Variants in SYNDIG1 observed in about 807,000 individuals in gnomAD.
SYNDIG1 encodes the protein synapse differentiation-inducing gene protein 1.
In SYNDIG1, 9 loss-of-function variants were observed where a neutral mutation model predicts 19.4. The ratio of observed to expected loss-of-function variants is 0.46; its 90% CI spans 0.28 to 0.81. The LOEUF (loss-of-function observed/expected upper bound fraction) is 0.81. Ranked by LOEUF, SYNDIG1 falls within the 30% of genes least tolerant of loss-of-function variation. The pLI is 0.12. For missense variants in SYNDIG1, 311 were observed against 343.3 expected, an observed-to-expected ratio of 0.91 and a Z score of 0.74; for synonymous variants, 141 against 145.9, an observed-to-expected ratio of 0.97 and a Z score of 0.24.
intron 1 of SYNDIG1, among the ~76,000 whole-genome samples, chr20:24,492,448 C>A (rs1436420996): frequency 1.3e-5 from 2 of 152,144 alleles, no homozygotes; most frequent in Non-Finnish European, 2.9e-5. Context: ...TGGTAAACAT[C>A]CAAGTTTCAA....
At chr20:24,475,863 C>A (rs1470422165) in intron 1 of SYNDIG1, among the ~76,000 whole-genome samples, 1 of 144,450 alleles carries the variant, frequency 6.9e-6, no homozygotes, top group African/African-American at 2.5e-5. Flanking sequence ...TGCATAGTAT[C>A]TTTTTTTTTT....
At chr20:24,521,879 G>T (rs2057012133) in intron 1 of SYNDIG1, among the ~76,000 whole-genome samples, 1 of 121,518 alleles carries the variant, frequency 8.2e-6, no homozygotes, top group East Asian at 2.4e-4. Flanking sequence ...CAGCATGGGT[G>T]AAAAAGAAAG....
chr20:24,500,046 A>G (rs1053733608), intron 1 of SYNDIG1, among the ~76,000 whole-genome samples: 3 of 152,034 alleles, frequency 2.0e-5, no homozygotes, highest in Non-Finnish European at 2.9e-5. Flanking sequence ...AGGAAAGGGA[A>G]CCCAAAAAAG....
chr20:24,556,373 G>A (rs148902838), intron 2 of SYNDIG1, among the ~76,000 whole-genome samples: 1,980 of 152,246 alleles, frequency 0.013, 16 homozygotes, highest in Admixed American at 0.016. Flanking sequence ...TATTTTGCTC[G>A]TTAGTTGATG....
At chr20:24,661,551 G>A (rs868500960) in intron 3 of SYNDIG1, among the ~76,000 whole-genome samples, 538 of 120,292 alleles carry the variant, frequency 4.5e-3, no homozygotes, top group Middle Eastern at 0.018. Context: ...GAGGGAGGGA[G>A]GAAAAAAGAG....
chr20:24,607,322 C>T (rs1450832035), intron 3 of SYNDIG1, among the ~76,000 whole-genome samples: 3 of 147,132 alleles, frequency 2.0e-5, no homozygotes, highest in African/African-American at 7.5e-5. Context: ...GATCACACCA[C>T]TGCACTGCAG....
Position 24,498,052 on chromosome 20 carries a change from T to G in SYNDIG1, c.-79+28299T>G, listed in dbSNP as rs73901846. 8.5e-3 allele frequency among the ~76,000 whole-genome samples: 1,294 copies of G among 152,320 alleles called. 20 individuals are homozygous for G. The highest frequency in any genetic ancestry group is 0.03 in the African/African-American group (1,234 of 41,580). On this transcript the variant is annotated intron_variant, in intron 1 of 3. Transcript: ENST00000376862. ...AATAAACACTAGAATCTCACAGCCC[T>G]CATTCCAGGGTGGTTTCCCACATGC...
At chr20:24,633,328 C>G (rs6106918) in intron 3 of SYNDIG1, among the ~76,000 whole-genome samples, 2 of 152,202 alleles carry the variant, frequency 1.3e-5, no homozygotes, top group Non-Finnish European at 2.9e-5. Context: ...GCCTTCCTCC[C>G]TGACACCACC....
intron 3 of SYNDIG1, among the ~76,000 whole-genome samples, chr20:24,612,570 G>A (rs1319902340): frequency 6.6e-6 from 1 of 152,220 alleles, no homozygotes; most frequent in African/African-American, 2.4e-5. Context: ...TTATTTCCCA[G>A]TAACTTAACA....
intron 3 of SYNDIG1, among the ~76,000 whole-genome samples, chr20:24,627,710 G>A (rs1159274839): frequency 6.6e-6 from 1 of 152,256 alleles, no homozygotes; most frequent in Non-Finnish European, 1.5e-5. Context: ...ACAACAAAAT[G>A]CTTTGCTACC....
intron 1 of SYNDIG1, among the ~76,000 whole-genome samples, chr20:24,483,393 G>GA (rs199744116): frequency 3.9e-5 from 6 of 151,904 alleles, no homozygotes; most frequent in Middle Eastern, 3.4e-3. Context: ...TTTTGATTAG[G>GA]AAAAAAAACC....
chr20:24,508,952 C>T (rs2056673873), intron 1 of SYNDIG1, among the ~76,000 whole-genome samples: 1 of 152,140 alleles, frequency 6.6e-6, no homozygotes, highest in African/African-American at 2.4e-5. Flanking sequence ...TCCCACAACC[C>T]AACACATTCA....
chr20:24,487,207 C>G (rs968254963), intron 1 of SYNDIG1, among the ~76,000 whole-genome samples: 1 of 152,170 alleles, frequency 6.6e-6, no homozygotes, highest in Non-Finnish European at 1.5e-5. Context: ...TAAACTTATA[C>G]AACCTGGATT....
chr20:24,600,352 A>AC (rs1180853735), intron 3 of SYNDIG1, among the ~76,000 whole-genome samples: 1 of 152,118 alleles, frequency 6.6e-6, no homozygotes, highest in African/African-American at 2.4e-5. Flanking sequence ...CAGAATAGAA[A>AC]CCTAAATGCA....
At chr20:24,477,805 G>A (rs1436726050) in intron 1 of SYNDIG1, among the ~76,000 whole-genome samples, 1 of 152,224 alleles carries the variant, frequency 6.6e-6, no homozygotes, top group Non-Finnish European at 1.5e-5. Flanking sequence ...GGGAGACTGA[G>A]GCTGGGGTGC....
chr20:24,641,287 TGATG>T (rs755342728), intron 3 of SYNDIG1, among the ~76,000 whole-genome samples: 8 of 137,824 alleles, frequency 5.8e-5, no homozygotes, highest in South Asian at 4.4e-4. Flanking sequence ...ATGGATGGAT[TGATG>T]GATGGATGGA....
chr20:24,503,999 G>A (rs148551932), intron 1 of SYNDIG1, among the ~76,000 whole-genome samples: 59 of 129,946 alleles, frequency 4.5e-4, no homozygotes, highest in African/African-American at 1.7e-3. Context: ...TCACACTTTC[G>A]CCCAGGCTGT....
intron 1 of SYNDIG1, among the ~76,000 whole-genome samples, chr20:24,536,358 C>T (rs536638630): frequency 8.5e-5 from 13 of 152,118 alleles, no homozygotes; most frequent in Non-Finnish European, 1.6e-4. Context: ...AGTTGGGCAT[C>T]CTGAGTCTTG....
intron 1 of SYNDIG1, chr20:24,495,858 T>TTTAC (rs1354915095): frequency 1.3e-5 from 2 of 152,114 alleles, no homozygotes; most frequent in Non-Finnish European, 2.9e-5. Flanking sequence ...TATTTATTTA[T>TTTAC]TTTTGATATG....
Sources: allele counts gnomAD v4.1 joint callset (sites outside exome capture counted in the v4.1 genomes callset), GRCh38; gene constraint gnomAD v4.1.1; transcripts MANE v1.5; gene names NCBI Gene and HGNC (gene_info 2026-07-23, HGNC 2026-07-21).